The following GRID2 variants were observed in gnomAD, a reference collection of about 807,000 sequenced individuals.
The protein encoded by GRID2 is glutamate ionotropic receptor delta type subunit 2.
Under a neutral mutation model 114.8 loss-of-function variants are expected in GRID2, and 33 were observed. That is an observed-to-expected ratio of 0.29 (90% CI 0.22 to 0.38). GRID2 has a LOEUF of 0.38. Ranked by LOEUF, GRID2 falls within the 10% of genes least tolerant of loss-of-function variation. GRID2 has a pLI of 1.00. For synonymous variants in GRID2, 505 were observed against 449.9 expected (o/e 1.12, Z -1.55); for missense variants, 1,184 against 1,257.7 (o/e 0.94, Z 0.89).
intron 13 of GRID2, among the ~76,000 whole-genome samples, chr4:93,620,765 A>G (rs1461754198): frequency 6.6e-6 from 1 of 152,186 alleles, no homozygotes; most frequent in African/African-American, 2.4e-5. Flanking sequence ...GGCTAGAGGA[A>G]TGTGCATAAA....
intron 13 of GRID2, among the ~76,000 whole-genome samples, chr4:93,603,958 G>C (rs151028573): frequency 3.5e-4 from 54 of 152,226 alleles, no homozygotes; most frequent in African/African-American, 1.3e-3. Context: ...GCTCCGATGG[G>C]GATGTACAAG....
intron 2 of GRID2, among the ~76,000 whole-genome samples, chr4:92,717,344 A>T (rs1010753051): frequency 2.0e-5 from 3 of 152,192 alleles, no homozygotes; most frequent in Non-Finnish European, 4.4e-5. Flanking sequence ...ATAGCCAGAA[A>T]TTCTTGGCAA....
intron 2 of GRID2, among the ~76,000 whole-genome samples, chr4:92,972,817 C>T (rs531775101): frequency 6.6e-6 from 1 of 152,120 alleles, no homozygotes; most frequent in East Asian, 1.9e-4. Context: ...TTTATGTGTT[C>T]TCATCATTTA....
chr4:93,589,705 C>T (rs1737972744), intron 13 of GRID2, among the ~76,000 whole-genome samples: 2 of 152,112 alleles, frequency 1.3e-5, no homozygotes, highest in Admixed American at 1.3e-4. Flanking sequence ...CACATCCTCT[C>T]CAGCACCTGT....
At chr4:93,075,289 C>G (rs1030912987) in intron 2 of GRID2, among the ~76,000 whole-genome samples, 10 of 152,144 alleles carry the variant, frequency 6.6e-5, no homozygotes, top group African/African-American at 2.4e-4. Context: ...TATTCCTGAG[C>G]AAACTCTGTT....
intron 8 of GRID2, among the ~76,000 whole-genome samples, chr4:93,344,709 A>T (rs1760025697): frequency 6.6e-6 from 1 of 150,500 alleles, no homozygotes; most frequent in Non-Finnish European, 1.5e-5. Context: ...TATACAGTAG[A>T]TCTCTTGAAC....
intron 1 of GRID2, among the ~76,000 whole-genome samples, chr4:92,434,563 A>G (rs1049053313): frequency 6.6e-6 from 1 of 152,192 alleles, no homozygotes. Context: ...AGAGCCTAGA[A>G]AGGACAACAG....
chr4:93,037,114 G>T (rs1725002737), intron 2 of GRID2, among the ~76,000 whole-genome samples: 1 of 152,036 alleles, frequency 6.6e-6, no homozygotes, highest in South Asian at 2.1e-4. Flanking sequence ...TTACTTCGAA[G>T]ATCAGCACAT....
At chr4:92,671,347 A>T (rs919947870) in intron 2 of GRID2, among the ~76,000 whole-genome samples, 2 of 152,082 alleles carry the variant, frequency 1.3e-5, no homozygotes, top group Non-Finnish European at 2.9e-5. Flanking sequence ...TCACAATTCA[A>T]CATGAGATTT....
chr4:93,537,751 T>C (rs1052254899), intron 13 of GRID2, among the ~76,000 whole-genome samples: 4 of 151,786 alleles, frequency 2.6e-5, no homozygotes, highest in African/African-American at 7.2e-5. Context: ...TGTTTGATCC[T>C]TAACCTCTAT....
At chr4:93,585,290 C>T (rs1332280703) in intron 13 of GRID2, among the ~76,000 whole-genome samples, 3 of 152,026 alleles carry the variant, frequency 2.0e-5, no homozygotes, top group African/African-American at 4.8e-5. Flanking sequence ...TTGAAAGCTC[C>T]GTTTTTGTCT....
At chr4:92,595,935 C>G (rs1728930026) in intron 2 of GRID2, among the ~76,000 whole-genome samples, 1 of 152,006 alleles carries the variant, frequency 6.6e-6, no homozygotes, top group East Asian at 1.9e-4. Context: ...ACACTTCTTT[C>G]CAGGGATTAT....
intron 2 of GRID2, among the ~76,000 whole-genome samples, chr4:92,682,743 A>G (rs1003624452): frequency 6.6e-6 from 1 of 151,850 alleles, no homozygotes; most frequent in African/African-American, 2.4e-5. Context: ...AAACATAAAC[A>G]TAATAGCCGA....
At chr4:92,508,683 G>A (rs1285308085) in intron 1 of GRID2, among the ~76,000 whole-genome samples, 1 of 151,916 alleles carries the variant, frequency 6.6e-6, no homozygotes, top group Non-Finnish European at 1.5e-5. Context: ...AAGATGGTGC[G>A]AGAGAGTTGG....
At chr4:92,508,436 G>T (rs79859378) in intron 1 of GRID2, among the ~76,000 whole-genome samples, 2 of 151,830 alleles carry the variant, frequency 1.3e-5, no homozygotes, top group African/African-American at 4.8e-5. Context: ...AGAAATCAAC[G>T]AATGGTATAT....
chr4:92,921,536 C>T (rs1361887514), intron 2 of GRID2, among the ~76,000 whole-genome samples: 1 of 152,102 alleles, frequency 6.6e-6, no homozygotes, highest in Non-Finnish European at 1.5e-5. Flanking sequence ...GTGTGGAAGT[C>T]CTTTCTGTTT....
chr4:92,758,351 G>A (rs1737830411), intron 2 of GRID2, among the ~76,000 whole-genome samples: 1 of 151,750 alleles, frequency 6.6e-6, no homozygotes, highest in African/African-American at 2.4e-5. Flanking sequence ...TTTCACTCAG[G>A]ATTTTGTTCT....
At chr4:92,558,336 A>G (rs973151198) in intron 1 of GRID2, among the ~76,000 whole-genome samples, 2 of 152,184 alleles carry the variant, frequency 1.3e-5, no homozygotes, top group African/African-American at 2.4e-5. Flanking sequence ...TCTCCTAATC[A>G]AAAAACTTCA....
chr4:92,362,137 C>G (rs1728647306), intron 1 of GRID2, among the ~76,000 whole-genome samples: 1 of 151,958 alleles, frequency 6.6e-6, no homozygotes, highest in Non-Finnish European at 1.5e-5. Flanking sequence ...ATCATAGGAG[C>G]CAAACAATAC....
Sources: allele counts gnomAD v4.1 joint callset (sites outside exome capture counted in the v4.1 genomes callset), GRCh38; gene constraint gnomAD v4.1.1; transcripts MANE v1.5; gene names NCBI Gene and HGNC (gene_info 2026-07-23, HGNC 2026-07-21).